DLGAP2: variants seen among roughly 807,000 people sequenced by gnomAD.
DLGAP2 encodes the protein DLG associated protein 2, also known as disks large-associated protein 2.
DLGAP2 carries 26 observed loss-of-function variants against 100.3 expected under a neutral mutation model. That is an observed-to-expected ratio of 0.26 (90% CI 0.19 to 0.36). The LOEUF (loss-of-function observed/expected upper bound fraction) is 0.36, where lower values mean the gene tolerates loss of function less well. DLGAP2 is among the 10% of genes least tolerant of loss of function. The pLI, the probability that DLGAP2 is intolerant of heterozygous loss-of-function variation, is 1.00. For synonymous variants in DLGAP2, 886 were observed against 630.1 expected (o/e 1.41, Z -6.08); for missense variants, 1,858 against 1,453.2 (o/e 1.28, Z -4.53).
chr8:1,591,541 A>ACTCCAC (rs141825701), intron 6 of DLGAP2, among the ~76,000 whole-genome samples: 63,384 of 150,614 alleles, frequency 0.42, 13,319 homozygotes, highest in African/African-American at 0.44. Flanking sequence ...CCCTCCTCCC[A>ACTCCAC]CTCCACCTCC....
chr8:1,037,861 G>T (rs776569925), intron 2 of DLGAP2, among the ~76,000 whole-genome samples: 2 of 152,174 alleles, frequency 1.3e-5, no homozygotes, highest in African/African-American at 2.4e-5. Context: ...TCAGACAGCC[G>T]GTCTCTCCAC....
At chr8:1,697,353 T>A (rs988140253) in intron 14 of DLGAP2, 54 bp downstream of exon 14, 30 of 1,534,156 alleles carry the variant, frequency 2.0e-5, no homozygotes, top group African/African-American at 4.1e-5. Context: ...CTCACTGCAC[T>A]AACGACCTGC....
At chr8:1,386,601 C>T (rs1225450407) in intron 3 of DLGAP2, among the ~76,000 whole-genome samples, 9 of 152,114 alleles carry the variant, frequency 5.9e-5, no homozygotes, top group Non-Finnish European at 1.2e-4. Flanking sequence ...CTGAGGCTCC[C>T]CTTCGCTCTC....
intron 1 of DLGAP2, among the ~76,000 whole-genome samples, chr8:843,479 TG>T (rs1205580498): frequency 6.6e-6 from 1 of 152,216 alleles, no homozygotes; most frequent in Admixed American, 6.5e-5. Context: ...CTTGGGCCAC[TG>T]TGCATGGTGT....
intron 6 of DLGAP2, among the ~76,000 whole-genome samples, chr8:1,596,825 T>C (rs1322269553): frequency 6.6e-6 from 1 of 152,180 alleles, no homozygotes; most frequent in Non-Finnish European, 1.5e-5. Context: ...ATTCTGTAGG[T>C]TGCCTGATAG....
At position 1,223,562 on chromosome 8, in the gene DLGAP2, G is replaced by A. The variant is rs535054952; in HGVS notation, c.74-35289G>A. Among the ~76,000 whole-genome samples, 16 of 152,342 alleles carry A rather than the reference G, an allele frequency of 1.1e-4. No homozygotes were observed. The South Asian group carries it at 3.3e-3, about 32-fold the overall frequency. On this transcript the variant is annotated intron_variant, in intron 2 of 14. Coordinates refer to ENST00000637795, the MANE Select transcript of DLGAP2 (RefSeq NM_001346810.2). ...TTGAAAGAATGGTTTGACCAGGGTTGTTGATCTTCACTTTCTCTTTTTTAA... is the reference window on the plus strand; with the variant it reads ...TTGAAAGAATGGTTTGACCAGGGTTATTGATCTTCACTTTCTCTTTTTTAA...
chr8:1,362,268 C>T (rs1325965528), intron 3 of DLGAP2, among the ~76,000 whole-genome samples: 1 of 152,012 alleles, frequency 6.6e-6, no homozygotes, highest in African/African-American at 2.4e-5. Flanking sequence ...CACTCAGGGC[C>T]AGGCAGGTAA....
chr8:1,501,468 C>T (rs745436254), intron 4 of DLGAP2, 37 bp downstream of exon 4: 72 of 1,529,784 alleles, frequency 4.7e-5, no homozygotes, highest in Admixed American at 2.0e-4. Context: ...TGGCGGGGCC[C>T]GGACAGAACC....
chr8:1,253,542 C>T (rs918916651), intron 2 of DLGAP2, among the ~76,000 whole-genome samples: 17 of 152,238 alleles, frequency 1.1e-4, no homozygotes, highest in Admixed American at 1.3e-4. Context: ...GCTGCAGTTT[C>T]CTCTTTTCTA....
intron 2 of DLGAP2, among the ~76,000 whole-genome samples, chr8:1,054,520 T>C (rs1802820575): frequency 6.6e-6 from 1 of 152,224 alleles, no homozygotes; most frequent in Non-Finnish European, 1.5e-5. Flanking sequence ...TTACTGTATA[T>C]TAGAATATAT....
chr8:812,428 C>T (rs1251276520), intron 1 of DLGAP2, among the ~76,000 whole-genome samples: 1 of 152,164 alleles, frequency 6.6e-6, no homozygotes, highest in Admixed American at 6.5e-5. Flanking sequence ...CCGGCCCCGC[C>T]AGACTCTCAG....
In DLGAP2 at chr8:1,288,123, G is replaced by T. The variant is rs1321804837; in HGVS notation, c.106+29240G>T. ...TGCGTGTGTGGTTCTGTTAGGAGGG[G>T]AACTAGTTTCGGTTGAGTATGTGTG... is the stretch of plus-strand genomic sequence containing the variant. On this transcript the variant is annotated intron_variant, in intron 3 of 14. Coordinates refer to ENST00000637795, the MANE Select transcript of DLGAP2 (RefSeq NM_001346810.2). Among the ~76,000 whole-genome samples the T allele has an allele frequency of 1.5e-4, 21 of 143,664 alleles. No homozygotes were observed. The Admixed American group carries it at 1.5e-3, about 10-fold the overall frequency. 94.2% of individuals were successfully genotyped at this position (143,664 alleles called of 152,430 possible).
chr8:1,157,703 A>C (rs1291166970), intron 2 of DLGAP2, among the ~76,000 whole-genome samples: 1 of 152,182 alleles, frequency 6.6e-6, no homozygotes, highest in African/African-American at 2.4e-5. Context: ...GCTCTTAATA[A>C]AAATAACACA....
At chr8:826,157 C>G (rs1796681720) in intron 1 of DLGAP2, among the ~76,000 whole-genome samples, 1 of 152,202 alleles carries the variant, frequency 6.6e-6, no homozygotes, top group Non-Finnish European at 1.5e-5. Context: ...GACAGGATCT[C>G]ATTCTTTTTT....
chr8:763,426 T>G (rs1821136508), intron 1 of DLGAP2, among the ~76,000 whole-genome samples: 1 of 152,236 alleles, frequency 6.6e-6, no homozygotes, highest in Non-Finnish European at 1.5e-5. Context: ...GTTGCTGCCG[T>G]GCTCTTCTGC....
intron 3 of DLGAP2, among the ~76,000 whole-genome samples, chr8:1,284,818 G>A (rs1799890299): frequency 6.6e-6 from 1 of 152,086 alleles, no homozygotes; most frequent in South Asian, 2.1e-4. Context: ...ACTGTGTTGC[G>A]TAGGCTGGTC....
At chr8:806,925 G>A (rs1452538027) in intron 1 of DLGAP2, among the ~76,000 whole-genome samples, 1 of 152,174 alleles carries the variant, frequency 6.6e-6, no homozygotes, top group South Asian at 2.1e-4. Context: ...CTTGATAACC[G>A]CACTGTGTGG....
At chr8:1,596,556 A>T (rs368479064) in intron 6 of DLGAP2, among the ~76,000 whole-genome samples, 2 of 152,112 alleles carry the variant, frequency 1.3e-5, no homozygotes, top group Admixed American at 1.3e-4. Flanking sequence ...CTTTTTAATG[A>T]TCGTCATTCT....
chr8:1,006,884 C>T (rs1268478750), intron 2 of DLGAP2, among the ~76,000 whole-genome samples: 7 of 129,338 alleles, frequency 5.4e-5, no homozygotes, highest in African/African-American at 2.1e-4. Context: ...TCTGAAGTCT[C>T]GGGATGTGGT....
Sources: allele counts gnomAD v4.1 joint callset (sites outside exome capture counted in the v4.1 genomes callset), GRCh38; gene constraint gnomAD v4.1.1; transcripts MANE v1.5; gene names NCBI Gene and HGNC (gene_info 2026-07-23, HGNC 2026-07-21).